Variants in KIAA0319L observed in about 807,000 individuals in gnomAD.
The protein encoded by KIAA0319L is dyslexia-associated protein KIAA0319-like protein.
KIAA0319L carries 55 observed loss-of-function variants against 120.1 expected under a neutral mutation model. That is an observed-to-expected ratio of 0.46 (90% CI 0.37 to 0.57). The LOEUF (loss-of-function observed/expected upper bound fraction) is 0.57. KIAA0319L is among the 20% of genes least tolerant of loss of function. The pLI, the probability that KIAA0319L is intolerant of heterozygous loss-of-function variation, is 0.00. For synonymous variants in KIAA0319L, 398 were observed against 471.9 expected, an observed-to-expected ratio of 0.84 and a Z score of 2.03; for missense variants, 1,049 against 1,255.3, an observed-to-expected ratio of 0.84 and a Z score of 2.48.
chr1:35,488,186 T>C (rs1260740164), intron 3 of KIAA0319L, among the ~76,000 whole-genome samples: 1 of 152,252 alleles, frequency 6.6e-6, no homozygotes, highest in Non-Finnish European at 1.5e-5. Context: ...CTCTAGCTTC[T>C]ATCTGCTTTT....
chr1:35,474,665 C>T (rs980281362), intron 5 of KIAA0319L, 140 bp downstream of exon 5: 2 of 558,072 alleles, frequency 3.6e-6, no homozygotes, highest in African/African-American at 3.9e-5. Flanking sequence ...GTAGTGTATG[C>T]CAGTAGTTCC....
At chr1:35,536,194 G>A (rs887515108) in intron 2 of KIAA0319L, among the ~76,000 whole-genome samples, 1 of 152,180 alleles carries the variant, frequency 6.6e-6, no homozygotes, top group Non-Finnish European at 1.5e-5. Flanking sequence ...TATGAGAGAT[G>A]TGCAAAGAAA....
At position 35,554,419 on chromosome 1, in the gene KIAA0319L, C is replaced by A. The variant is rs374190673; in HGVS notation, c.73G>T (p.Ala25Ser). Residue 25 changes from alanine (A) to serine (S), a missense_variant, in exon 2 of 21, where the codon GCG (alanine) becomes TCG (serine). Ala to Ser is a moderately conservative substitution (Grantham distance 99). Transcript: ENST00000325722. ...AGGTACAGGCTTCTCAACCACTTCG[C>A]AGATGTCTGCCAATAATATCCTGAT... Reference protein sequence around the residue: ...ILSGYYWQTSAKWLRSLYLFY... With the variant: ...ILSGYYWQTSSKWLRSLYLFY... 9 of 1,613,422 alleles carry A rather than the reference C, an allele frequency of 5.6e-6. No individual in the cohort carries two copies. Among genetic ancestry groups the A allele is most frequent in the Non-Finnish European group, 7.6e-6 (9 of 1,179,838 alleles).
intron 20 of KIAA0319L, chr1:35,440,640 C>T (rs1482272981): frequency 5.5e-6 from 1 of 181,588 alleles, no homozygotes; most frequent in Non-Finnish European, 1.2e-5. Context: ...ACAAGGCTGG[C>T]TGAAAGGTGG....
At chr1:35,510,000 T>TGAAGTTCC (rs1221494402) in intron 2 of KIAA0319L, 2 of 152,740 alleles carry the variant, frequency 1.3e-5, no homozygotes, top group East Asian at 3.9e-4. Flanking sequence ...TCTGAAGTTC[T>TGAAGTTCC]GCAAGAGCAA....
rs181707004 is a variant in KIAA0319L at position 35,464,499 on chromosome 1, A to G, written c.1202-1786T>C. The stretch of plus-strand genomic sequence containing the variant: ...TAAAGAGCAAAGCATTCAAGAGGTG[A>G]CTTGGGTGCTGTTAAAGGCATTCAG... On this transcript the variant is annotated intron_variant, in intron 7 of 20. Coordinates refer to ENST00000325722, the MANE Select transcript of KIAA0319L (RefSeq NM_024874.5). Among the ~76,000 whole-genome samples the G allele has an allele frequency of 3.4e-3, 525 of 152,342 alleles. 2 individuals are homozygous for G. The highest frequency in any genetic ancestry group is 4.8e-3 in the Non-Finnish European group (326 of 68,032).
intron 2 of KIAA0319L, among the ~76,000 whole-genome samples, chr1:35,537,385 CTT>C (rs138689877): frequency 1.6e-5 from 2 of 126,812 alleles, no homozygotes; most frequent in African/African-American, 2.9e-5. Context: ...CTTTCCTTTC[CTT>C]TTTTTTTTTT....
At chr1:35,484,576 A>T (rs1367949750) in intron 3 of KIAA0319L, among the ~76,000 whole-genome samples, 1 of 151,962 alleles carries the variant, frequency 6.6e-6, no homozygotes, top group Non-Finnish European at 1.5e-5. Context: ...TAATCCAATC[A>T]TCTGTGAATA....
At chr1:35,481,956 CTGGG>C (rs1644189394) in intron 3 of KIAA0319L, among the ~76,000 whole-genome samples, 2 of 150,730 alleles carry the variant, frequency 1.3e-5, no homozygotes, top group African/African-American at 2.4e-5. Flanking sequence ...TCCTGAGTAG[CTGGG>C]ACTACAGGCG....
chr1:35,454,136 T>C (rs1217216910), intron 11 of KIAA0319L: 4 of 503,384 alleles, frequency 7.9e-6, no homozygotes, highest in Non-Finnish European at 1.4e-5. Flanking sequence ...TCTTTGAAGG[T>C]ACCAACAACA....
chr1:35,538,365 C>T (rs968950709), intron 2 of KIAA0319L, among the ~76,000 whole-genome samples: 3 of 151,792 alleles, frequency 2.0e-5, no homozygotes, highest in Non-Finnish European at 4.4e-5. Context: ...CCGAGGCTGG[C>T]GGATTGCCTG....
In KIAA0319L at chr1:35,453,605, T is replaced by C; in HGVS notation, c.1865A>G (p.Lys622Arg). ...GATAATTTTCTGATCATCTGAGCTC[T>C]TGCTGCCATCCAGGGTTGTGCTATC... is the stretch of plus-strand genomic sequence containing the variant. ...PVDSTTLDGS[K>R]SSDDQKIISY... Residue 622 changes from lysine to arginine, a missense_variant, in exon 12 of 21, where the codon AAG becomes AGG. Transcript: ENST00000325722. The surrounding 1 kb of genome is among the most constrained non-coding windows in gnomAD (Gnocchi z 4.1). The C allele has an allele frequency of 6.2e-7, 1 of 1,614,032 alleles. No homozygotes were observed. The highest frequency in any genetic ancestry group is 8.5e-7 in the Non-Finnish European group (1 of 1,179,902).
In KIAA0319L at chr1:35,490,896, C is replaced by T. The variant is rs185951690; in HGVS notation, c.667-11684G>A. 7.1e-3 allele frequency among the ~76,000 whole-genome samples: 1,081 copies of T among 152,288 alleles called. 16 individuals carry two copies. The highest frequency in any genetic ancestry group is 0.011 in the Non-Finnish European group (724 of 68,032). On this transcript the variant is annotated intron_variant, in intron 3 of 20. Coordinates refer to ENST00000325722, the MANE Select transcript of KIAA0319L (RefSeq NM_024874.5). ...GATGGTTTAAAAGTGTGTGGCACTT[C>T]CCACTTGACTCTCTCTCTTTCCTGC...
At position 35,459,105 on chromosome 1, in the gene KIAA0319L, A is replaced by T. The variant is rs111687966; in HGVS notation, c.1427+1200T>A. Among the ~76,000 whole-genome samples the T allele has an allele frequency of 2.8e-3, 429 of 152,322 alleles. 2 individuals are homozygous for T. Among genetic ancestry groups the T allele is most frequent in the Non-Finnish European group, 5.1e-3 (345 of 68,022 alleles). On this transcript the variant is annotated intron_variant, in intron 9 of 20. Coordinates refer to ENST00000325722, the MANE Select transcript of KIAA0319L (RefSeq NM_024874.5). ...ACTGTCACACTATGGTAAATGCCAC[A>T]TAGAGGCCCTGAGTGCAATAGGGAA... is the stretch of plus-strand genomic sequence containing the variant.
At chr1:35,436,913 T>C (rs1640837547) in intron 20 of KIAA0319L, among the ~76,000 whole-genome samples, 1 of 152,194 alleles carries the variant, frequency 6.6e-6, no homozygotes, top group South Asian at 2.1e-4. Context: ...TTCAGTTCCA[T>C]ACCTGACACC....
At chr1:35,493,641 T>C (rs1183403487) in intron 3 of KIAA0319L, among the ~76,000 whole-genome samples, 1 of 151,424 alleles carries the variant, frequency 6.6e-6, no homozygotes, top group African/African-American at 2.4e-5. Context: ...TCGCTTAAAC[T>C]CAGGAGTTGG....
intron 3 of KIAA0319L, among the ~76,000 whole-genome samples, chr1:35,496,004 C>G (rs189094483): frequency 1.3e-5 from 2 of 152,224 alleles, no homozygotes; most frequent in Admixed American, 1.3e-4. Flanking sequence ...AAAAGATTCA[C>G]CATACCAAGT....
At chr1:35,461,377 A>G (rs1570683160) in intron 8 of KIAA0319L, among the ~76,000 whole-genome samples, 1 of 152,152 alleles carries the variant, frequency 6.6e-6, no homozygotes, top group East Asian at 1.9e-4. Context: ...GAGGCAGGAG[A>G]ATTGCTTGAA....
rs181451302 is a variant in KIAA0319L, at chr1:35,512,198, G to C, written c.143-5063C>G. 1.2e-4 allele frequency among the ~76,000 whole-genome samples: 18 copies of C among 152,128 alleles called. No homozygotes were observed. The East Asian group carries it at 3.5e-3, about 29-fold the overall frequency. The stretch of plus-strand genomic sequence containing the variant: ...GGCAGAAGGATTGCTGGAAATGGGA[G>C]GGGGAGTTGCAGTGAGCCAAGAGCA... On this transcript the variant is annotated intron_variant, in intron 2 of 20. Transcript: ENST00000325722.
Sources: gnomAD v4.1 joint callset for allele counts (sites outside exome capture counted in the v4.1 genomes callset) on GRCh38, gnomAD v4.1.1 for gene constraint, Gnocchi (gnomAD v3.1) non-coding constraint, MANE v1.5 for transcripts, NCBI Gene and HGNC (gene_info 2026-07-23, HGNC 2026-07-21) for gene names.